UNC80: variants seen among roughly 807,000 people sequenced by gnomAD.
UNC80 encodes unc-80 subunit of NALCN channel complex, also known as protein unc-80 homolog.
UNC80 carries 164 observed loss-of-function variants against 384.6 expected under a neutral mutation model. The observed-to-expected ratio is 0.43, with a 90% confidence interval of 0.38 to 0.49. The LOEUF (loss-of-function observed/expected upper bound fraction) is 0.49. Ranked by LOEUF, UNC80 falls within the 20% of genes least tolerant of loss-of-function variation. The pLI is 0.00. For synonymous variants in UNC80, 1,486 were observed against 1,527.8 expected, an observed-to-expected ratio of 0.97 and a Z score of 0.64; for missense variants, 3,330 against 4,143.0, an observed-to-expected ratio of 0.80 and a Z score of 5.39.
Position 209,839,696 on chromosome 2 carries a change from A to G in UNC80, c.3250+266A>G, listed in dbSNP as rs2081597979. 6.6e-6 allele frequency among the ~76,000 whole-genome samples: 1 copy of G among 152,212 alleles called. No individual in the cohort carries two copies. ...GCCTCCTAACTTTGCTAAACTTGTA[A>G]TATAGTAGGAGCCCCAGTCATTAAA... On this transcript the variant is annotated intron_variant, in intron 19 of 64. Coordinates refer to ENST00000673920, the MANE Select transcript of UNC80 (RefSeq NM_001371986.1). This position sits in a 1 kb window ranked among gnomAD's most constrained non-coding sequence, Gnocchi z 4.1.
chr2:209,859,489 A>G (rs1291000531), intron 22 of UNC80, among the ~76,000 whole-genome samples: 5 of 152,140 alleles, frequency 3.3e-5, no homozygotes, highest in African/African-American at 1.2e-4. Flanking sequence ...TGCTGCAATA[A>G]ATATACGTGT....
chr2:209,949,135 G>A (rs1203205368), intron 47 of UNC80, among the ~76,000 whole-genome samples: 1 of 152,108 alleles, frequency 6.6e-6, no homozygotes, highest in African/African-American at 2.4e-5. Flanking sequence ...GTTAATGAGA[G>A]CTATGTCTGT....
chr2:209,871,992 C>T (rs1574833672), intron 22 of UNC80, among the ~76,000 whole-genome samples: 1 of 151,886 alleles, frequency 6.6e-6, no homozygotes, highest in Admixed American at 6.6e-5. Context: ...AAGACTAACT[C>T]AGCAAGATTG....
chr2:209,956,351 A>G (rs2092417443), intron 48 of UNC80, among the ~76,000 whole-genome samples: 1 of 152,294 alleles, frequency 6.6e-6, no homozygotes, highest in Non-Finnish European at 1.5e-5. Context: ...GTTGTCAGCT[A>G]GTCTGAACTT....
intron 26 of UNC80, among the ~76,000 whole-genome samples, chr2:209,890,259 C>G (rs968683232): frequency 2.0e-5 from 3 of 152,090 alleles, no homozygotes; most frequent in Non-Finnish European, 4.4e-5. Context: ...TGCATCATTT[C>G]TTAAATGGAT....
At chr2:209,807,761 C>T (rs1275805653) in intron 7 of UNC80, among the ~76,000 whole-genome samples, 2 of 152,084 alleles carry the variant, frequency 1.3e-5, no homozygotes, top group East Asian at 1.9e-4. Context: ...ATACTTTGAT[C>T]GTACCTGATA....
intron 13 of UNC80, among the ~76,000 whole-genome samples, chr2:209,824,737 C>T (rs541240559): frequency 6.6e-6 from 1 of 152,086 alleles, no homozygotes; most frequent in African/African-American, 2.4e-5. Flanking sequence ...GGGACCAACT[C>T]GATAACATTA....
At chr2:209,828,030 A>G (rs1395112165) in intron 14 of UNC80, among the ~76,000 whole-genome samples, 2 of 152,198 alleles carry the variant, frequency 1.3e-5, no homozygotes, top group African/African-American at 4.8e-5. Context: ...GCTTGCTTAA[A>G]CTTCCCACTG....
intron 45 of UNC80, among the ~76,000 whole-genome samples, chr2:209,944,425 C>T (rs1044166576): frequency 2.6e-5 from 4 of 152,036 alleles, no homozygotes; most frequent in African/African-American, 9.7e-5. Context: ...GAAAGCAAGA[C>T]CTTTGTATGC....
At chr2:209,921,783 A>T in intron 34 of UNC80, 97 bp downstream of exon 34, 1 of 1,304,756 alleles carries the variant, frequency 7.7e-7, no homozygotes, top group Non-Finnish European at 1.0e-6. Flanking sequence ...ATGAGGTGAT[A>T]TGCCCCCTTC....
At chr2:209,895,118 T>C (rs2086683853) in intron 27 of UNC80, among the ~76,000 whole-genome samples, 1 of 152,198 alleles carries the variant, frequency 6.6e-6, no homozygotes, top group Non-Finnish European at 1.5e-5. Flanking sequence ...TAAAGAGATT[T>C]CAAATACCAA....
chr2:209,840,710 T>G (rs2081672263), intron 20 of UNC80, 62 bp downstream of exon 20: 1 of 1,381,596 alleles, frequency 7.2e-7, no homozygotes, highest in African/African-American at 1.4e-5. Flanking sequence ...ATGTGAAGGC[T>G]GAGAAATAGC....
At position 209,827,649 on chromosome 2, in the gene UNC80, A is replaced by G. The variant is rs138800930; in HGVS notation, c.2479-1583A>G. On this transcript the variant is annotated intron_variant, in intron 14 of 64. Coordinates refer to ENST00000673920, the MANE Select transcript of UNC80 (RefSeq NM_001371986.1). Reference sequence around the variant, plus strand: ...ATTTAGTTCAGTAAACACATTGTCCAAGAGATATAAATATGGGAAATTTTC... The same window carrying G: ...ATTTAGTTCAGTAAACACATTGTCCGAGAGATATAAATATGGGAAATTTTC... Among the ~76,000 whole-genome samples the G allele has an allele frequency of 4.3e-4, 65 of 152,292 alleles. No homozygotes were observed. In the East Asian group the frequency reaches 0.012, roughly 29 times the overall value.
At chr2:209,927,465 C>T (rs2090523522) in intron 36 of UNC80, among the ~76,000 whole-genome samples, 1 of 152,120 alleles carries the variant, frequency 6.6e-6, no homozygotes, top group Non-Finnish European at 1.5e-5. Context: ...TTTTAAAAAG[C>T]TCTTATAACT....
chr2:209,819,762 A>G (rs2080009606), intron 12 of UNC80, among the ~76,000 whole-genome samples: 1 of 152,206 alleles, frequency 6.6e-6, no homozygotes, highest in Non-Finnish European at 1.5e-5. Flanking sequence ...ACAAAATTTT[A>G]TTGCACATTA....
chr2:209,881,253 T>C (rs2124896204), intron 25 of UNC80, among the ~76,000 whole-genome samples, 159 bp downstream of exon 25: 1 of 152,320 alleles, frequency 6.6e-6, no homozygotes. Flanking sequence ...AAAGAAATGC[T>C]CTTTTCCTCA....
At position 209,849,575 on chromosome 2, in the gene UNC80, G is replaced by A; in HGVS notation, c.3579G>A (p.Glu1193=). The A allele has an allele frequency of 6.4e-7, 1 of 1,550,886 alleles. No individual in the cohort carries two copies. The highest frequency in any genetic ancestry group is 2.0e-5 in the Admixed American group (1 of 50,916). The part of the protein sequence containing the change: ...KRFQFLLNCC[E]PGTIPDASIL... ...TCCAATTTCTGTTAAACTGCTGTGA[G>A]CCAGGGACAATTCCTGATGCCTCCA... is the stretch of plus-strand genomic sequence containing the variant. Residue 1193 remains glutamate (E), a synonymous_variant, in exon 22 of 65, where the codon GAG becomes GAA. Coordinates refer to ENST00000673920, the MANE Select transcript of UNC80 (RefSeq NM_001371986.1).
intron 7 of UNC80, among the ~76,000 whole-genome samples, chr2:209,801,684 C>A (rs2078566126): frequency 8.8e-6 from 1 of 113,022 alleles, no homozygotes; most frequent in Non-Finnish European, 1.7e-5. Context: ...CCCGGCCAAC[C>A]CCTGCTTTTT....
rs1483026995 is a variant in UNC80, at chr2:209,930,871, A to G, written c.5908-97A>G. On this transcript the variant is annotated intron_variant, in intron 37 of 64. Transcript: ENST00000673920. ...AATCAATATGTGGGCAAAAGTAAAA[A>G]AAATCCCTCACCCAATCCCGAATTT... is the stretch of plus-strand genomic sequence containing the variant. The G allele has an allele frequency of 7.7e-6, 6 of 774,406 alleles. No individual in the cohort carries two copies. The Admixed American group carries it at 1.7e-4, about 22-fold the overall frequency. 48.0% of individuals were successfully genotyped at this position (774,406 alleles called of 1,614,324 possible).
Sources: gnomAD v4.1 joint callset for allele counts (sites outside exome capture counted in the v4.1 genomes callset) on GRCh38, gnomAD v4.1.1 for gene constraint, Gnocchi (gnomAD v3.1) non-coding constraint, MANE v1.5 for transcripts, NCBI Gene and HGNC (gene_info 2026-07-23, HGNC 2026-07-21) for gene names.